CHAF1B: variants seen among roughly 807,000 people sequenced by gnomAD.
CHAF1B encodes the protein CAF-1 subunit B.
A neutral mutation model predicts 60.7 loss-of-function variants in CHAF1B; 10 were observed. The observed-to-expected ratio is 0.16, with a 90% CI of 0.10 to 0.28. The LOEUF (loss-of-function observed/expected upper bound fraction) is 0.28. Ranked by LOEUF, CHAF1B falls within the 10% of genes least tolerant of loss-of-function variation. CHAF1B has a pLI of 1.00. For missense variants in CHAF1B, 558 were observed against 708.4 expected, an observed-to-expected ratio of 0.79 and a Z score of 2.41; for synonymous variants, 261 against 266.1, an observed-to-expected ratio of 0.98 and a Z score of 0.19.
rs752407141 is a variant in CHAF1B at position 36,402,861 on chromosome 21, G to A, written c.757+10G>A. The A allele has an allele frequency of 1.3e-5, 21 of 1,608,358 alleles. No individual in the cohort carries two copies. The highest frequency in any genetic ancestry group is 1.6e-4 in the Middle Eastern group (1 of 6,068). On this transcript the variant is annotated intron_variant, in intron 8 of 13. Coordinates refer to ENST00000314103, the MANE Select transcript of CHAF1B (RefSeq NM_005441.3). ...TTGCTTCTCACGCCAGGTGTGTTTC[G>A]TAGCTTTGGACTTAAAGGAATGATG...
In CHAF1B at chr21:36,391,426, T is replaced by C. The variant is rs1601556742; in HGVS notation, c.260-125T>C. The C allele has an allele frequency of 1.5e-5, 8 of 516,404 alleles. No homozygotes were observed. The East Asian group carries it at 3.0e-4, about 20-fold the overall frequency. The allele number at this position is 516,404 out of a possible 1,614,324, so 32.0% of individuals were successfully genotyped here. A position where few individuals can be genotyped will look rare whatever the true frequency, so the allele number is the denominator to read the frequency against. On this transcript the variant is annotated intron_variant, in intron 3 of 13. Transcript: ENST00000314103. ...TTGCAGTGAGCCAAGATTGCGCCAC[T>C]GCACTCCAGCCTGGGCGACAGGGTG...
At chr21:36,396,982 C>T (rs1201667397) in intron 5 of CHAF1B, among the ~76,000 whole-genome samples, 1 of 152,184 alleles carries the variant, frequency 6.6e-6, no homozygotes, top group African/African-American at 2.4e-5. Flanking sequence ...CCTCTGTACC[C>T]ATTAGCAGTT....
intron 9 of CHAF1B, among the ~76,000 whole-genome samples, 188 bp downstream of exon 9, chr21:36,409,018 T>A (rs918436647): frequency 2.6e-5 from 4 of 151,944 alleles, no homozygotes; most frequent in African/African-American, 9.7e-5. Context: ...CCACTCCTAG[T>A]TAATTTTTGT....
At chr21:36,399,883 C>A (rs1452881978) in intron 7 of CHAF1B, among the ~76,000 whole-genome samples, 1 of 152,062 alleles carries the variant, frequency 6.6e-6, no homozygotes, top group African/African-American at 2.4e-5. Flanking sequence ...GGAAGAATTA[C>A]AAATATGGGT....
chr21:36,411,366 G>A (rs915110689), intron 10 of CHAF1B, 97 bp from the exon 11 acceptor site: 4 of 1,449,554 alleles, frequency 2.8e-6, no homozygotes, highest in South Asian at 1.2e-5. Flanking sequence ...CACCCGGCTC[G>A]GCCTCCCAAA....
chr21:36,399,353 T>G, intron 6 of CHAF1B, 168 bp from the exon 7 acceptor site: 1 of 614,176 alleles, frequency 1.6e-6, no homozygotes, highest in Non-Finnish European at 2.9e-6. Context: ...TCCTTTAGGT[T>G]GTTAATACTT....
intron 10 of CHAF1B, among the ~76,000 whole-genome samples, chr21:36,409,694 C>T (rs139378813): frequency 9.9e-5 from 15 of 152,082 alleles, no homozygotes; most frequent in African/African-American, 3.4e-4. Flanking sequence ...GACAGCGTTT[C>T]ACCATGTTGC....
At chr21:36,387,854 T>C (rs1245548775) in intron 3 of CHAF1B, 124 bp downstream of exon 3, 2 of 1,219,562 alleles carry the variant, frequency 1.6e-6, no homozygotes, top group African/African-American at 3.0e-5. Context: ...GTTTCACTCT[T>C]GTTCCCCAGG....
At chr21:36,411,921 G>A (rs999232968) in intron 11 of CHAF1B, among the ~76,000 whole-genome samples, 1 of 152,092 alleles carries the variant, frequency 6.6e-6, no homozygotes, top group Non-Finnish European at 1.5e-5. Context: ...TAGAGATGGG[G>A]TTTCGCCCTG....
intron 8 of CHAF1B, among the ~76,000 whole-genome samples, chr21:36,403,232 C>T (rs1385685079): frequency 2.6e-5 from 4 of 151,724 alleles, no homozygotes; most frequent in South Asian, 2.1e-4. Context: ...CTGAGGCGGG[C>T]GGATCACTTG....
chr21:36,390,841 A>G (rs2146361193), intron 3 of CHAF1B, among the ~76,000 whole-genome samples: 1 of 152,224 alleles, frequency 6.6e-6, no homozygotes, highest in East Asian at 1.9e-4. Flanking sequence ...TTTTTAGTAG[A>G]GACAAGGTCT....
chr21:36,395,369 C>T (rs1348357207), intron 5 of CHAF1B, among the ~76,000 whole-genome samples: 1 of 152,202 alleles, frequency 6.6e-6, no homozygotes, highest in African/African-American at 2.4e-5. Flanking sequence ...ACTTTAAAAG[C>T]AACACAAAAA....
At chr21:36,415,162 A>AG in intron 12 of CHAF1B, 133 bp from the exon 13 acceptor site, 1 of 615,382 alleles carries the variant, frequency 1.6e-6, no homozygotes, top group Non-Finnish European at 2.9e-6. Flanking sequence ...TTACTATTTA[A>AG]TGCCTTGAAC....
At position 36,416,318 on chromosome 21, in the gene CHAF1B, G is replaced by T. The variant is rs143171594; in HGVS notation, c.1632G>T (p.Arg544=). 1.3e-5 allele frequency: 21 copies of T among 1,613,938 alleles called. No homozygotes were observed. Among genetic ancestry groups the T allele is most frequent in the Non-Finnish European group, 1.5e-5 (18 of 1,179,996 alleles). ...DAQGSPPELK[R]PRLDENKGGT... The stretch of plus-strand genomic sequence containing the variant: ...AGGGCAGTCCCCCAGAGCTAAAGCG[G>T]CCCAGACTCGATGAAAACAAAGGAG... The change falls in exon 14 of 14, where the codon CGG becomes CGT. Residue 544 remains arginine, a synonymous_variant. Coordinates refer to ENST00000314103, the MANE Select transcript of CHAF1B (RefSeq NM_005441.3).
At chr21:36,395,351 T>C (rs1336810808) in intron 5 of CHAF1B, among the ~76,000 whole-genome samples, 2 of 152,244 alleles carry the variant, frequency 1.3e-5, no homozygotes, top group African/African-American at 4.8e-5. Context: ...CCCGGCCTAC[T>C]TGCTTTAACT....
At chr21:36,395,574 C>T (rs2086131222) in intron 5 of CHAF1B, among the ~76,000 whole-genome samples, 1 of 152,150 alleles carries the variant, frequency 6.6e-6, no homozygotes, top group South Asian at 2.1e-4. Context: ...AGGTTAGGAT[C>T]TCGGGAAGAT....
chr21:36,411,478 G>A lies in CHAF1B; in HGVS notation c.935G>A (p.Ser312Asn). The change falls in exon 11 of 14, where the codon AGT becomes AAT. Residue 312 changes from serine (S) to asparagine (N), a missense_variant. Ser to Asn is a conservative substitution (Grantham distance 46, BLOSUM62 1). Around this residue, in one of 2 missense-constraint regions of CHAF1B, gnomAD observed 325 missense variants for 493.5 expected, o/e 0.66. Transcript: ENST00000314103. ...PVVETGVELM[S>N]LPYRLVFAVA... The stretch of plus-strand genomic sequence containing the variant: ...CAACCCCCAGGTGTGGAGCTGATGA[G>A]TCTGCCCTACCGCCTGGTGTTTGCT... 1 of 1,613,968 alleles carries A rather than the reference G, an allele frequency of 6.2e-7. No individual in the cohort carries two copies.
rs762129577 is a variant in CHAF1B, at chr21:36,386,260, A to G, written c.124A>G (p.Arg42Gly). Residue 42 changes from arginine to glycine, a missense_variant and splice_region_variant, in exon 2 of 14, where the codon AGG (arginine) becomes GGG (glycine). This residue lies in a region of CHAF1B where 325 missense variants were observed against 493.5 expected (regional missense o/e 0.66). Coordinates refer to ENST00000314103, the MANE Select transcript of CHAF1B (RefSeq NM_005441.3). ...GTCTGCCGGCGTGGACACCAATGTC[A>G]GGGTAAACTGGGGCAGAGATAGACA... ...LASAGVDTNV[R>G]IWKVEKGPDG... The G allele has an allele frequency of 6.8e-6, 11 of 1,613,870 alleles. No individual in the cohort carries two copies. The Middle Eastern group carries it at 6.6e-4, about 97-fold the overall frequency.
chr21:36,413,483 G>GC (rs2086294924), intron 12 of CHAF1B, among the ~76,000 whole-genome samples, 168 bp downstream of exon 12: 1 of 152,172 alleles, frequency 6.6e-6, no homozygotes, highest in Non-Finnish European at 1.5e-5. Flanking sequence ...TTGCATATAG[G>GC]CCTCTGTTTG....
Sources: allele counts gnomAD v4.1 joint callset (sites outside exome capture counted in the v4.1 genomes callset), GRCh38; gene constraint gnomAD v4.1.1; regional missense constraint gnomAD v4.1.1; transcripts MANE v1.5; gene names NCBI Gene and HGNC (gene_info 2026-07-23, HGNC 2026-07-21).